The following MCC variants were observed in gnomAD, a reference collection of about 807,000 sequenced individuals.
MCC encodes the protein colorectal mutant cancer protein.
MCC carries 90 observed loss-of-function variants against 116.2 expected under a neutral mutation model. The ratio of observed to expected loss-of-function variants is 0.77; its 90% CI spans 0.65 to 0.92. The LOEUF is 0.92. Among genes scored for constraint, MCC ranks in the 40% least tolerant of loss-of-function variants. The probability of loss-of-function intolerance (pLI) is 0.00; values close to 1 mark genes in which losing one functional copy is unlikely to be tolerated. For missense variants in MCC, 1,516 were observed against 1,312.2 expected (o/e 1.16, Z -2.40); for synonymous variants, 578 against 510.5 (o/e 1.13, Z -1.78).
chr5:113,353,552 A>G (rs1425576125), intron 2 of MCC, among the ~76,000 whole-genome samples: 2 of 152,216 alleles, frequency 1.3e-5, no homozygotes, highest in African/African-American at 4.8e-5. Flanking sequence ...GCCTACTAAT[A>G]AGCAAACATA....
intron 3 of MCC, among the ~76,000 whole-genome samples, chr5:113,167,723 T>C (rs748347995): frequency 2.0e-5 from 3 of 152,102 alleles, no homozygotes; most frequent in Admixed American, 6.6e-5. Flanking sequence ...CTTGACCTTA[T>C]AGGCTCAAGC....
intron 1 of MCC, among the ~76,000 whole-genome samples, chr5:113,425,941 A>C (rs997841028): frequency 8.5e-5 from 13 of 152,096 alleles, no homozygotes; most frequent in Non-Finnish European, 1.8e-4. Flanking sequence ...AGCCATGGCA[A>C]TAAGACATCA....
At chr5:113,456,377 A>C (rs2150422728) in intron 1 of MCC, among the ~76,000 whole-genome samples, 1 of 152,342 alleles carries the variant, frequency 6.6e-6, no homozygotes, top group Non-Finnish European at 1.5e-5. Flanking sequence ...GAACTTTTTC[A>C]GATTTTTGAA....
chr5:113,173,628 G>A (rs1283290560), intron 3 of MCC, among the ~76,000 whole-genome samples: 4 of 152,142 alleles, frequency 2.6e-5, no homozygotes, highest in African/African-American at 9.7e-5. Flanking sequence ...AATAACATGA[G>A]CACTCCATTT....
Position 113,381,570 on chromosome 5 carries a change from T to C in MCC, c.415+3398A>G, listed in dbSNP as rs146990042. ...TGGGAGGCTGAGGCAGGAAGATGGCTTGAGTCCAAGAGTTGAGACTATCCT... is the reference window on the plus strand; with the variant it reads ...TGGGAGGCTGAGGCAGGAAGATGGCCTGAGTCCAAGAGTTGAGACTATCCT... On this transcript the variant is annotated intron_variant, in intron 2 of 18. Transcript: ENST00000408903. Among the ~76,000 whole-genome samples the C allele has an allele frequency of 2.0e-5, 3 of 152,224 alleles. No homozygotes were observed. In the East Asian group the frequency reaches 5.8e-4, roughly 29 times the overall value.
At chr5:113,215,172 T>G (rs1050229143) in intron 3 of MCC, among the ~76,000 whole-genome samples, 24 of 152,212 alleles carry the variant, frequency 1.6e-4, no homozygotes, top group African/African-American at 2.4e-5. Context: ...CAGAGGTGAA[T>G]GCATCCTCTT....
At chr5:113,241,974 G>C (rs1016448689) in intron 3 of MCC, among the ~76,000 whole-genome samples, 10 of 152,136 alleles carry the variant, frequency 6.6e-5, no homozygotes, top group Non-Finnish European at 1.5e-4. Context: ...TATATTCAAG[G>C]AACTAATCCA....
chr5:113,357,604 C>A (rs887444797), intron 2 of MCC, among the ~76,000 whole-genome samples: 3 of 152,220 alleles, frequency 2.0e-5, no homozygotes, highest in Non-Finnish European at 4.4e-5. Flanking sequence ...AGATCAGCAG[C>A]TTCCCGATAA....
rs560224854 is a variant in MCC at position 113,467,650 on chromosome 5, T to C, written c.170+20595A>G. Among the ~76,000 whole-genome samples, 3 of 152,300 alleles carry C rather than the reference T, an allele frequency of 2.0e-5. No homozygotes were observed. The East Asian group carries it at 5.8e-4, about 29-fold the overall frequency. On this transcript the variant is annotated intron_variant, in intron 1 of 18. Transcript: ENST00000408903. ...CCAGCTTTGTTCTTTTGGCTTAGGA[T>C]TGACTTGGCGACACGGGCTCTTTTT...
chr5:113,318,700 G>A (rs183587194), intron 3 of MCC, among the ~76,000 whole-genome samples: 13 of 152,178 alleles, frequency 8.5e-5, no homozygotes, highest in Admixed American at 8.5e-4. Context: ...GGTGGGAGGA[G>A]GGAGAGGATC....
At chr5:113,152,701 A>G (rs991608542) in intron 3 of MCC, among the ~76,000 whole-genome samples, 3 of 152,190 alleles carry the variant, frequency 2.0e-5, no homozygotes, top group African/African-American at 4.8e-5. Context: ...AGTGAGGGAG[A>G]AGCAGATATA....
At chr5:113,470,547 A>G in intron 1 of MCC, among the ~76,000 whole-genome samples, 1 of 152,168 alleles carries the variant, frequency 6.6e-6, no homozygotes, top group Non-Finnish European at 1.5e-5. Flanking sequence ...CTGCCGAGAG[A>G]TCAGCTGTTA....
chr5:113,134,699 C>T (rs1264100419), intron 5 of MCC, among the ~76,000 whole-genome samples: 1 of 150,334 alleles, frequency 6.7e-6, no homozygotes. Context: ...AACATTTTAA[C>T]CCATTTGTGC....
chr5:113,314,987 T>C (rs1767243835), intron 3 of MCC, among the ~76,000 whole-genome samples: 1 of 152,234 alleles, frequency 6.6e-6, no homozygotes. Flanking sequence ...TCCTGGATTC[T>C]GGCCTTTGAT....
intron 3 of MCC, among the ~76,000 whole-genome samples, chr5:113,187,927 A>T (rs1425442447): frequency 1.3e-5 from 2 of 152,148 alleles, no homozygotes; most frequent in African/African-American, 2.4e-5. Flanking sequence ...GCTCAGAACA[A>T]ATTGAGGGGC....
chr5:113,039,575 T>G (rs911372069), intron 17 of MCC, among the ~76,000 whole-genome samples: 1 of 152,116 alleles, frequency 6.6e-6, no homozygotes, highest in African/African-American at 2.4e-5. Flanking sequence ...AGCTCACTCA[T>G]CGGCAAGCAA....
chr5:113,391,426 T>C (rs1289397025), intron 1 of MCC, among the ~76,000 whole-genome samples: 2 of 152,142 alleles, frequency 1.3e-5, no homozygotes, highest in Non-Finnish European at 2.9e-5. Flanking sequence ...CTAAAGTTGG[T>C]AATCAGGGTT....
At chr5:113,301,214 C>A (rs1267980611) in intron 3 of MCC, among the ~76,000 whole-genome samples, 1 of 152,106 alleles carries the variant, frequency 6.6e-6, no homozygotes, top group Non-Finnish European at 1.5e-5. Flanking sequence ...GCCTGTAATC[C>A]CAGCACTTTG....
At chr5:113,239,279 C>G (rs1327615435) in intron 3 of MCC, among the ~76,000 whole-genome samples, 1 of 152,054 alleles carries the variant, frequency 6.6e-6, no homozygotes, top group African/African-American at 2.4e-5. Flanking sequence ...TGGGGACGGC[C>G]CCAGGAATAA....
Sources: allele counts gnomAD v4.1 joint callset (sites outside exome capture counted in the v4.1 genomes callset), GRCh38; gene constraint gnomAD v4.1.1; transcripts MANE v1.5; gene names NCBI Gene and HGNC (gene_info 2026-07-23, HGNC 2026-07-21).